Variants in KLHL13 observed in about 807,000 individuals in gnomAD.
KLHL13 encodes the protein kelch like family member 13.
Under a neutral mutation model 37.1 loss-of-function variants are expected in KLHL13, and 10 were observed. The observed-to-expected ratio is 0.27, with a 90% CI of 0.17 to 0.46. The LOEUF (loss-of-function observed/expected upper bound fraction) is 0.46, where lower values mean the gene tolerates loss of function less well. Among genes scored for constraint, KLHL13 ranks in the 20% least tolerant of loss-of-function variants. The probability of loss-of-function intolerance (pLI) is 1.00; values close to 1 mark genes in which losing one functional copy is unlikely to be tolerated. For missense variants in KLHL13, 360 were observed against 509.3 expected (o/e 0.71, Z 2.82); for synonymous variants, 163 against 181.2 (o/e 0.90, Z 0.81).
At chrX:118,045,440 A>T (rs1482887006) in intron 1 of KLHL13, among the ~76,000 whole-genome samples, 1 of 110,424 alleles carries the variant, frequency 9.1e-6, no homozygotes, top group Non-Finnish European at 1.9e-5. Flanking sequence ...TCAAAAGAAG[A>T]CATACATATG....
At chrX:117,944,083 C>T (rs1206873740) in intron 2 of KLHL13, among the ~76,000 whole-genome samples, 1 of 110,984 alleles carries the variant, frequency 9.0e-6, no homozygotes, top group African/African-American at 3.3e-5. Context: ...CTAACAGGCC[C>T]CTCTGCTGCA....
At chrX:117,995,765 G>T (rs1046477595) in intron 1 of KLHL13, among the ~76,000 whole-genome samples, 8 of 111,380 alleles carry the variant, frequency 7.2e-5, no homozygotes, top group African/African-American at 2.6e-4. Flanking sequence ...AATCATTTGT[G>T]CTTGGCTCCT....
At chrX:118,099,790 G>T (rs2055262366) in intron 1 of KLHL13, among the ~76,000 whole-genome samples, 1 of 107,912 alleles carries the variant, frequency 9.3e-6, no homozygotes, top group South Asian at 4.2e-4. Context: ...CTGGGTGACA[G>T]AGCCAGACTC....
chrX:118,083,908 G>C (rs774910109), intron 1 of KLHL13, among the ~76,000 whole-genome samples: 1 of 111,445 alleles, frequency 9.0e-6, no homozygotes, highest in South Asian at 3.8e-4. Flanking sequence ...GATGCACTAT[G>C]CATCTAGTTT....
intron 1 of KLHL13, among the ~76,000 whole-genome samples, chrX:117,951,772 CTG>C (rs1933618150): frequency 8.9e-6 from 1 of 112,417 alleles, no homozygotes; most frequent in African/African-American, 3.2e-5. Context: ...CCAGCACCTG[CTG>C]TGTACTAAGC....
At chrX:117,933,141 T>C (rs1484510456) in intron 2 of KLHL13, among the ~76,000 whole-genome samples, 1 of 111,231 alleles carries the variant, frequency 9.0e-6, no homozygotes, top group Non-Finnish European at 1.9e-5. Context: ...AGTTTGCAAG[T>C]ACTTTCTCCC....
At chrX:118,033,192 C>G (rs2054383147) in intron 1 of KLHL13, among the ~76,000 whole-genome samples, 1 of 111,378 alleles carries the variant, frequency 9.0e-6, no homozygotes, top group Admixed American at 9.6e-5. Flanking sequence ...AGGAGAACTT[C>G]CCCAATCTAG....
chrX:117,978,844 T>TA (rs367558367), intron 1 of KLHL13, among the ~76,000 whole-genome samples: 23 of 103,072 alleles, frequency 2.2e-4, no homozygotes, highest in South Asian at 1.3e-3. Context: ...CCCATCTGTT[T>TA]AAAAAAAAAA....
At chrX:117,959,710 G>A (rs1430104329) in intron 1 of KLHL13, among the ~76,000 whole-genome samples, 2 of 111,748 alleles carry the variant, frequency 1.8e-5, no homozygotes, top group Admixed American at 9.5e-5. Flanking sequence ...CTTGTGGATT[G>A]AAAGAACCCT....
chrX:118,027,509 GT>G (rs1322241575), intron 1 of KLHL13, among the ~76,000 whole-genome samples: 1 of 110,439 alleles, frequency 9.1e-6, no homozygotes. Context: ...AGAAACAGTT[GT>G]TTTTTATTTT....
chrX:118,035,018 T>C (rs1286335334), intron 1 of KLHL13, among the ~76,000 whole-genome samples: 1 of 94,639 alleles, frequency 1.1e-5, no homozygotes, highest in Admixed American at 1.1e-4. Flanking sequence ...CCTTGACACA[T>C]ACACTCTCCC....
rs192643509 is a variant in KLHL13 at position 118,032,295 on chromosome X, G to A, written c.-56+84213C>T. On this transcript the variant is annotated intron_variant, in intron 1 of 6. Transcript: ENST00000371882. Reference sequence around the variant, plus strand: ...GCTCCACCTCTGGGGGCAGGGCACAGACAAACAAAAAGACAGCAGTAACCT... The same window carrying A: ...GCTCCACCTCTGGGGGCAGGGCACAAACAAACAAAAAGACAGCAGTAACCT... Among the ~76,000 whole-genome samples the A allele has an allele frequency of 4.7e-3, 525 of 112,380 alleles. 1 individual carries two copies. Among genetic ancestry groups the A allele is most frequent in the African/African-American group, 0.016 (502 of 30,801 alleles).
Position 118,046,906 on chromosome X carries a change from A to G in KLHL13, c.-56+69602T>C, listed in dbSNP as rs2054566531. Among the ~76,000 whole-genome samples the G allele has an allele frequency of 2.7e-5, 3 of 112,069 alleles. No homozygotes were observed. The South Asian group carries it at 1.1e-3, about 42-fold the overall frequency. The stretch of plus-strand genomic sequence containing the variant: ...TACATCTACTTGATTTAACAATTAT[A>G]ATATGAGTGGTGACCTTTACCAAGA... On this transcript the variant is annotated intron_variant, in intron 1 of 6. Transcript: ENST00000371882.
intron 1 of KLHL13, among the ~76,000 whole-genome samples, chrX:118,107,876 A>T (rs980168334): frequency 2.7e-5 from 3 of 111,325 alleles, no homozygotes; most frequent in Non-Finnish European, 5.7e-5. Context: ...ACATGGTGAA[A>T]CCCTGTCTCT....
intron 2 of KLHL13, among the ~76,000 whole-genome samples, chrX:117,938,980 G>A (rs1195107439): frequency 9.1e-6 from 1 of 109,995 alleles, no homozygotes; most frequent in Non-Finnish European, 1.9e-5. Flanking sequence ...TGGGATACAT[G>A]TGCAGAACAT....
chrX:118,010,934 AT>A (rs2054059057), intron 1 of KLHL13, among the ~76,000 whole-genome samples: 1 of 108,130 alleles, frequency 9.2e-6, no homozygotes, highest in Admixed American at 1.0e-4. Flanking sequence ...TTAGCCAGGC[AT>A]GGTGGCACAC....
chrX:118,099,594 G>A (rs1194144779), intron 1 of KLHL13, among the ~76,000 whole-genome samples: 2 of 110,799 alleles, frequency 1.8e-5, no homozygotes, highest in Non-Finnish European at 3.8e-5. Context: ...TGGATCAATT[G>A]AGGCCAGGAG....
intron 1 of KLHL13, among the ~76,000 whole-genome samples, chrX:118,022,205 C>T (rs1452518021): frequency 9.0e-6 from 1 of 111,540 alleles, no homozygotes; most frequent in Non-Finnish European, 1.9e-5. Flanking sequence ...GAATAATATC[C>T]CATTTGTGTG....
rs189604040 is a variant in KLHL13 at position 118,043,456 on chromosome X, A to G, written c.-56+73052T>C. Among the ~76,000 whole-genome samples the G allele has an allele frequency of 1.9e-3, 208 of 111,845 alleles. 1 individual carries two copies. Among genetic ancestry groups the G allele is most frequent in the African/African-American group, 6.5e-3 (199 of 30,836 alleles). On this transcript the variant is annotated intron_variant, in intron 1 of 6. Coordinates refer to the KLHL13 transcript ENST00000371882. ...CACAGAAAGAAAACTATAGGCCAAT[A>G]TATCTGATGAACATTGATGCAAAAA...
Sources: gnomAD v4.1 joint callset for allele counts (sites outside exome capture counted in the v4.1 genomes callset) on GRCh38, gnomAD v4.1.1 for gene constraint, MANE v1.5 for transcripts, NCBI Gene and HGNC (gene_info 2026-07-23, HGNC 2026-07-21) for gene names.